Variants in PDE10A observed in about 807,000 individuals in gnomAD.
The protein encoded by PDE10A is phosphodiesterase 10A.
Under a neutral mutation model 97.7 loss-of-function variants are expected in PDE10A, and 39 were observed. The ratio of observed to expected loss-of-function variants is 0.40; its 90% CI spans 0.31 to 0.52. The LOEUF (loss-of-function observed/expected upper bound fraction) is 0.52. Among genes scored for constraint, PDE10A ranks in the 20% least tolerant of loss-of-function variants. PDE10A has a pLI of 0.56. For missense variants in PDE10A, 731 were observed against 1,047.8 expected (o/e 0.70, Z 4.17); for synonymous variants, 371 against 376.8 (o/e 0.98, Z 0.18).
At chr6:165,848,667 A>T (rs1279848701) in intron 1 of PDE10A, among the ~76,000 whole-genome samples, 1 of 152,180 alleles carries the variant, frequency 6.6e-6, no homozygotes, top group African/African-American at 2.4e-5. Context: ...TATGGCCCCA[A>T]GGTTGGCAGA....
At chr6:165,633,450 T>A (rs1376888391) in intron 1 of PDE10A, among the ~76,000 whole-genome samples, 1 of 151,714 alleles carries the variant, frequency 6.6e-6, no homozygotes, top group Non-Finnish European at 1.5e-5. Flanking sequence ...AATTACAGAG[T>A]AGAAAAAAAC....
chr6:165,971,820 A>G (rs886984488), intron 1 of PDE10A, among the ~76,000 whole-genome samples: 2 of 152,190 alleles, frequency 1.3e-5, no homozygotes, highest in Non-Finnish European at 2.9e-5. Context: ...TGGCAGCCAC[A>G]GAGCTTTTAT....
rs146459942 is a variant in PDE10A, at chr6:165,739,537, T to C, written c.-614-195969A>G. On this transcript the variant is annotated intron_variant, in intron 1 of 19. Transcript: ENST00000366882. ...GTAAGATCTGAAGCTGTGAAAATGCTAGAAGAAAACAGAGAAAAAGCTTTT... is the reference window on the plus strand; with the variant it reads ...GTAAGATCTGAAGCTGTGAAAATGCCAGAAGAAAACAGAGAAAAAGCTTTT... 1.8e-3 allele frequency among the ~76,000 whole-genome samples: 273 copies of C among 151,570 alleles called. 2 individuals carry two copies. Among genetic ancestry groups the C allele is most frequent in the African/African-American group, 6.2e-3 (258 of 41,402 alleles).
chr6:165,389,412 G>T (rs1273385343), intron 16 of PDE10A, among the ~76,000 whole-genome samples: 3 of 152,180 alleles, frequency 2.0e-5, no homozygotes, highest in Admixed American at 6.5e-5. Context: ...TTAAAGTCTG[G>T]ATGCATTTTG....
intron 1 of PDE10A, among the ~76,000 whole-genome samples, chr6:165,824,196 G>C (rs1375041206): frequency 6.6e-6 from 1 of 152,178 alleles, no homozygotes; most frequent in Non-Finnish European, 1.5e-5. Context: ...AATCACAGCT[G>C]TCTTCACCTG....
chr6:165,921,956 G>A (rs549046613), intron 1 of PDE10A, among the ~76,000 whole-genome samples: 2 of 152,222 alleles, frequency 1.3e-5, no homozygotes, highest in African/African-American at 4.8e-5. Flanking sequence ...GAAGCTGAGG[G>A]GCCAGTTGAG....
At chr6:165,706,350 T>C (rs928201793) in intron 1 of PDE10A, among the ~76,000 whole-genome samples, 4 of 152,194 alleles carry the variant, frequency 2.6e-5, no homozygotes, top group African/African-American at 9.6e-5. Context: ...GATATCTCAG[T>C]ATCAGGACAC....
At chr6:165,698,504 A>T (rs1791493159) in intron 1 of PDE10A, among the ~76,000 whole-genome samples, 1 of 152,214 alleles carries the variant, frequency 6.6e-6, no homozygotes, top group African/African-American at 2.4e-5. Flanking sequence ...CAAATAAAAA[A>T]ATAGAGCGAA....
At chr6:165,523,594 C>T (rs558796034) in intron 2 of PDE10A, among the ~76,000 whole-genome samples, 44 of 152,246 alleles carry the variant, frequency 2.9e-4, no homozygotes, top group Admixed American at 1.2e-3. Context: ...AGACCCCAAC[C>T]TATCACCAAA....
At chr6:165,568,567 T>C (rs1443298282) in intron 1 of PDE10A, among the ~76,000 whole-genome samples, 2 of 152,148 alleles carry the variant, frequency 1.3e-5, no homozygotes, top group African/African-American at 4.8e-5. Flanking sequence ...CTCAGACACT[T>C]TGTAGCCATC....
chr6:165,738,953 G>C (rs942715897), intron 1 of PDE10A, among the ~76,000 whole-genome samples: 1 of 152,158 alleles, frequency 6.6e-6, no homozygotes, highest in African/African-American at 2.4e-5. Flanking sequence ...AAAAATCTGT[G>C]CAGTGAAAAC....
chr6:165,379,477 A>AT, intron 17 of PDE10A, 111 bp from the exon 18 acceptor site: 1 of 799,082 alleles, frequency 1.3e-6, no homozygotes, highest in Non-Finnish European at 1.9e-6. Context: ...TGGCACACTA[A>AT]TGAAAGGTTT....
At chr6:165,650,304 A>G (rs1344301927) in intron 1 of PDE10A, among the ~76,000 whole-genome samples, 1 of 152,206 alleles carries the variant, frequency 6.6e-6, no homozygotes, top group East Asian at 1.9e-4. Context: ...ATCAAAATGT[A>G]TAAAACGGGG....
At chr6:165,615,394 TCAA>T (rs1291774340) in intron 1 of PDE10A, among the ~76,000 whole-genome samples, 1 of 152,106 alleles carries the variant, frequency 6.6e-6, no homozygotes, top group Non-Finnish European at 1.5e-5. Flanking sequence ...TCAGATACTC[TCAA>T]CAAACTCTGA....
chr6:165,532,420 A>G (rs1782835476), intron 2 of PDE10A, among the ~76,000 whole-genome samples: 1 of 151,998 alleles, frequency 6.6e-6, no homozygotes, highest in South Asian at 2.1e-4. Flanking sequence ...AATAGTAAGC[A>G]ACTAATTAGA....
chr6:165,483,020 A>G (rs1779695897), intron 2 of PDE10A, among the ~76,000 whole-genome samples: 1 of 152,170 alleles, frequency 6.6e-6, no homozygotes, highest in Non-Finnish European at 1.5e-5. Flanking sequence ...AACAGGGTAT[A>G]AAACAAGCTG....
chr6:165,345,354 G>C (rs1478590043), intron 18 of PDE10A, among the ~76,000 whole-genome samples: 1 of 152,112 alleles, frequency 6.6e-6, no homozygotes, highest in Non-Finnish European at 1.5e-5. Flanking sequence ...AAATTACTTA[G>C]ACAAAGCACA....
At chr6:165,935,477 G>T (rs1783291804) in intron 1 of PDE10A, among the ~76,000 whole-genome samples, 1 of 152,204 alleles carries the variant, frequency 6.6e-6, no homozygotes, top group Non-Finnish European at 1.5e-5. Flanking sequence ...AAAACATTTT[G>T]AAAGTAGAGA....
At chr6:165,784,573 G>A (rs767158633) in intron 1 of PDE10A, among the ~76,000 whole-genome samples, 13 of 152,108 alleles carry the variant, frequency 8.5e-5, no homozygotes, top group African/African-American at 1.7e-4. Context: ...ATTTAAATGC[G>A]CACTCAAAAA....
Sources: allele counts gnomAD v4.1 joint callset (sites outside exome capture counted in the v4.1 genomes callset), GRCh38; gene constraint gnomAD v4.1.1; transcripts MANE v1.5; gene names NCBI Gene and HGNC (gene_info 2026-07-23, HGNC 2026-07-21).